Variants in MAP4K4 observed in about 807,000 individuals in gnomAD.
MAP4K4 encodes HPK/GCK-like kinase HGK.
In MAP4K4, 38 loss-of-function variants were observed where a neutral mutation model predicts 189.6. The observed-to-expected ratio is 0.20, with a 90% CI of 0.15 to 0.26. MAP4K4 has a LOEUF of 0.26. Among genes scored for constraint, MAP4K4 ranks in the 10% least tolerant of loss-of-function variants. MAP4K4 has a pLI of 1.00. For missense variants in MAP4K4, 1,054 were observed against 1,726.9 expected, an observed-to-expected ratio of 0.61 and a Z score of 6.91; for synonymous variants, 610 against 624.3, an observed-to-expected ratio of 0.98 and a Z score of 0.34.
At chr2:101,832,175 C>A (rs1298983238) in intron 7 of MAP4K4, among the ~76,000 whole-genome samples, 2 of 152,128 alleles carry the variant, frequency 1.3e-5, no homozygotes, top group Admixed American at 1.3e-4. Context: ...AATATTTATT[C>A]TTTTAAAAAT....
At chr2:101,847,223 G>A (rs764005949) in intron 12 of MAP4K4, among the ~76,000 whole-genome samples, 1 of 152,156 alleles carries the variant, frequency 6.6e-6, no homozygotes, top group Non-Finnish European at 1.5e-5. Context: ...TGCCCTGCTG[G>A]TTGTATAAAA....
At chr2:101,869,301 A>G (rs1477980218) in intron 21 of MAP4K4, among the ~76,000 whole-genome samples, 1 of 152,010 alleles carries the variant, frequency 6.6e-6, no homozygotes. Context: ...TTGATCTAGA[A>G]TTTTACCTCA....
intron 2 of MAP4K4, among the ~76,000 whole-genome samples, chr2:101,727,701 G>A (rs552504194): frequency 1.3e-3 from 192 of 152,356 alleles, no homozygotes; most frequent in Middle Eastern, 0.01. Context: ...GGGCACAGTG[G>A]CTCATGCCTG....
intron 2 of MAP4K4, among the ~76,000 whole-genome samples, chr2:101,741,568 C>G (rs1383560468): frequency 6.6e-6 from 1 of 152,096 alleles, no homozygotes; most frequent in Non-Finnish European, 1.5e-5. Flanking sequence ...TTACTCTACC[C>G]ACCCCCGCTC....
At chr2:101,855,680 A>G (rs1460934754) in intron 12 of MAP4K4, among the ~76,000 whole-genome samples, 2 of 152,192 alleles carry the variant, frequency 1.3e-5, no homozygotes, top group Admixed American at 1.3e-4. Flanking sequence ...ATCCACGAAT[A>G]AAGAATTTTC....
At chr2:101,889,063 C>T (rs112099948) in intron 32 of MAP4K4, 128 bp downstream of exon 32, 2 of 878,224 alleles carry the variant, frequency 2.3e-6, no homozygotes, top group African/African-American at 1.7e-5. Context: ...TTAAACGTTG[C>T]TTTTTAGTCA....
intron 5 of MAP4K4, 91 bp from the exon 6 acceptor site, chr2:101,829,413 C>T (rs1285669706): frequency 2.5e-6 from 2 of 798,234 alleles, no homozygotes; most frequent in Non-Finnish European, 4.2e-6. Context: ...CACCTTTGGT[C>T]CACATGTGCA....
At chr2:101,733,898 G>A (rs2059433043) in intron 2 of MAP4K4, among the ~76,000 whole-genome samples, 1 of 152,174 alleles carries the variant, frequency 6.6e-6, no homozygotes, top group Non-Finnish European at 1.5e-5. Flanking sequence ...GAAAAAGTCA[G>A]CCTGCTGGAG....
At chr2:101,783,371 C>T (rs1055920777) in intron 2 of MAP4K4, among the ~76,000 whole-genome samples, 2 of 152,018 alleles carry the variant, frequency 1.3e-5, no homozygotes, top group Non-Finnish European at 2.9e-5. Flanking sequence ...CAGTAAGTTG[C>T]ATATATAATT....
At chr2:101,790,845 A>G (rs970277389) in intron 3 of MAP4K4, 69 bp downstream of exon 3, 81 of 1,285,268 alleles carry the variant, frequency 6.3e-5, no homozygotes, top group Non-Finnish European at 8.4e-5. Context: ...AACAACACAG[A>G]GTATTACTCT....
chr2:101,865,461 A>G lies in MAP4K4; in HGVS notation c.2204+425A>G, dbSNP rs561872053. On this transcript the variant is annotated intron_variant, in intron 18 of 32. Coordinates refer to ENST00000324219, the Ensembl canonical transcript of MAP4K4. ...TGCAGTAAACAAGTGAATTCACCAA[A>G]TACTATCCTTTTTAGGTTCTAGAGC... Among the ~76,000 whole-genome samples, 9 of 152,344 alleles carry G rather than the reference A, an allele frequency of 5.9e-5. No homozygotes were observed. In the South Asian group the frequency reaches 1.9e-3, roughly 32 times the overall value.
intron 2 of MAP4K4, among the ~76,000 whole-genome samples, chr2:101,737,980 A>G (rs2061165821): frequency 6.6e-6 from 1 of 152,122 alleles, no homozygotes; most frequent in East Asian, 1.9e-4. Context: ...TGAGATTCGG[A>G]GAGGTTACCT....
intron 2 of MAP4K4, among the ~76,000 whole-genome samples, chr2:101,721,446 T>G (rs1360844229): frequency 6.6e-6 from 1 of 151,230 alleles, no homozygotes; most frequent in Non-Finnish European, 1.5e-5. Context: ...TTTTTTTTTT[T>G]TTTTTTTGAG....
intron 12 of MAP4K4, among the ~76,000 whole-genome samples, chr2:101,848,772 C>T (rs1290387010): frequency 6.6e-6 from 1 of 152,146 alleles, no homozygotes; most frequent in African/African-American, 2.4e-5. Flanking sequence ...CTGCTGGTAT[C>T]GCCCTCCTTT....
intron 31 of MAP4K4, 93 bp downstream of exon 31, chr2:101,888,030 G>T: frequency 8.7e-7 from 1 of 1,144,372 alleles, no homozygotes; most frequent in Non-Finnish European, 1.2e-6. Flanking sequence ...ATGTCCTTCA[G>T]ACCTTTTGAC....
intron 27 of MAP4K4, among the ~76,000 whole-genome samples, chr2:101,878,273 G>A (rs1013265249): frequency 6.6e-6 from 1 of 152,110 alleles, no homozygotes; most frequent in Non-Finnish European, 1.5e-5. Context: ...TTCAAACATA[G>A]GATAATGGCA....
chr2:101,716,757 A>C (rs1048962778), intron 2 of MAP4K4, among the ~76,000 whole-genome samples: 2 of 152,120 alleles, frequency 1.3e-5, no homozygotes, highest in African/African-American at 4.8e-5. Flanking sequence ...ATCTCTCCGG[A>C]AGCTGAAGTC....
chr2:101,727,062 C>T (rs573471284), intron 2 of MAP4K4, among the ~76,000 whole-genome samples: 1 of 152,136 alleles, frequency 6.6e-6, no homozygotes, highest in Non-Finnish European at 1.5e-5. Context: ...AATGGATGAA[C>T]CCATTTATGA....
rs1011988255 is a variant in MAP4K4, at chr2:101,825,248, A to G, written c.307-71A>G. 8.3e-5 allele frequency: 69 copies of G among 831,232 alleles called. No homozygotes were observed. The East Asian group carries it at 1.7e-3, about 21-fold the overall frequency. The allele number at this position is 831,232 out of a possible 1,614,324, so 51.5% of individuals were successfully genotyped here. On this transcript the variant is annotated intron_variant, in intron 4 of 32. Coordinates refer to ENST00000324219, the Ensembl canonical transcript of MAP4K4. ...TCTAGGTCTTTAGAAAAGAGAGGGC[A>G]TGGCGGTTAAACTGGTTTTCCCAAT...
Sources: allele counts gnomAD v4.1 joint callset (sites outside exome capture counted in the v4.1 genomes callset), GRCh38; gene constraint gnomAD v4.1.1; transcripts MANE v1.5; gene names NCBI Gene and HGNC (gene_info 2026-07-23, HGNC 2026-07-21).